The following RANBP2 variants were observed in gnomAD, a reference collection of about 807,000 sequenced individuals.
The protein encoded by RANBP2 is E3 SUMO-protein ligase RanBP2.
In RANBP2, 57 loss-of-function variants were observed where a neutral mutation model predicts 303.6. The observed-to-expected ratio is 0.19, with a 90% CI of 0.15 to 0.23. The LOEUF (loss-of-function observed/expected upper bound fraction) is 0.23. RANBP2 is among the 10% of genes least tolerant of loss of function. RANBP2 has a pLI of 1.00. For synonymous variants in RANBP2, 1,167 were observed against 1,301.5 expected (o/e 0.90, Z 2.23); for missense variants, 3,138 against 3,780.8 (o/e 0.83, Z 4.46).
the RANBP2 span, among the ~76,000 whole-genome samples, chr2:109,571,217 T>C: frequency 6.6e-6 from 1 of 152,222 alleles, no homozygotes; most frequent in African/African-American, 2.4e-5. Context: ...GAACTGTAAG[T>C]CAATTAAACC....
the RANBP2 span, among the ~76,000 whole-genome samples, chr2:109,512,823 C>A: frequency 6.8e-6 from 1 of 147,372 alleles, no homozygotes; most frequent in African/African-American, 2.4e-5. Context: ...TGACCCTGAC[C>A]CCTCCTCACC....
At chr2:108,819,651 G>T in the RANBP2 span, among the ~76,000 whole-genome samples, 1 of 152,206 alleles carries the variant, frequency 6.6e-6, no homozygotes, top group Non-Finnish European at 1.5e-5. Flanking sequence ...GAAGAATTTG[G>T]ATGGTCCCAA....
chr2:108,927,492 C>A, the RANBP2 span, among the ~76,000 whole-genome samples: 1 of 152,188 alleles, frequency 6.6e-6, no homozygotes, highest in Non-Finnish European at 1.5e-5. Flanking sequence ...AGCACGTGGT[C>A]TTCAGGCCAT....
chr2:109,300,943 C>T, the RANBP2 span, among the ~76,000 whole-genome samples: 26 of 152,242 alleles, frequency 1.7e-4, no homozygotes, highest in Non-Finnish European at 3.1e-4. Flanking sequence ...AGCATGGCTG[C>T]TGGCTACCAG....
the RANBP2 span, among the ~76,000 whole-genome samples, chr2:109,238,490 TGTGTGTGTGA>T: frequency 9.8e-4 from 124 of 126,086 alleles, no homozygotes; most frequent in African/African-American, 3.7e-3. Flanking sequence ...TGTGTGTGTG[TGTGTGTGTGA>T]GAGTGAGACA....
the RANBP2 span, chr2:108,884,693 C>T: frequency 1.3e-4 from 20 of 152,274 alleles, no homozygotes; most frequent in Non-Finnish European, 8.8e-5. Flanking sequence ...GGCAGGTCCC[C>T]TTTTCGAGAT....
At chr2:109,018,694 A>T in the RANBP2 span, among the ~76,000 whole-genome samples, 5 of 152,066 alleles carry the variant, frequency 3.3e-5, no homozygotes, top group Non-Finnish European at 2.9e-5. Context: ...ACACATCTCC[A>T]TCCCCTTTCC....
chr2:108,876,108 A>C, the RANBP2 span: 8 of 1,598,882 alleles, frequency 5.0e-6, no homozygotes, highest in Non-Finnish European at 6.0e-6. Context: ...AAGCTCTTTG[A>C]ACTTTTTACG....
the RANBP2 span, among the ~76,000 whole-genome samples, chr2:109,223,151 T>G: frequency 6.6e-6 from 1 of 152,318 alleles, no homozygotes; most frequent in East Asian, 1.9e-4. Context: ...GTTGCCACCT[T>G]CTCCTGAAAC....
the RANBP2 span, among the ~76,000 whole-genome samples, chr2:109,405,372 T>G: frequency 2.0e-5 from 3 of 152,162 alleles, no homozygotes; most frequent in African/African-American, 7.2e-5. Flanking sequence ...ACTGACTCCC[T>G]GCCCCTGAGT....
At chr2:108,864,490 C>T in the RANBP2 span, among the ~76,000 whole-genome samples, 1 of 151,438 alleles carries the variant, frequency 6.6e-6, no homozygotes, top group African/African-American at 2.4e-5. Context: ...TAGTAAGGCC[C>T]ATCTCTACAA....
chr2:109,683,855 ACT>A, the RANBP2 span, among the ~76,000 whole-genome samples: 111 of 151,866 alleles, frequency 7.3e-4, no homozygotes, highest in Admixed American at 2.4e-3. Flanking sequence ...CATCATTTTC[ACT>A]CTGAGTGGAG....
intron 4 of RANBP2, among the ~76,000 whole-genome samples, chr2:108,732,176 A>G (rs1410211364): frequency 6.6e-6 from 1 of 152,130 alleles, no homozygotes; most frequent in African/African-American, 2.4e-5. Context: ...TCCCCATTAT[A>G]TATGTTTCTG....
chr2:109,379,556 C>T, the RANBP2 span, among the ~76,000 whole-genome samples: 1 of 152,250 alleles, frequency 6.6e-6, no homozygotes, highest in East Asian at 1.9e-4. Context: ...AGGAAAAATA[C>T]TCAGGGATGT....
chr2:108,725,892 A>C (rs1302508601), intron 1 of RANBP2, among the ~76,000 whole-genome samples: 5 of 152,020 alleles, frequency 3.3e-5, no homozygotes, highest in Admixed American at 6.6e-5. Context: ...GCATTGAGCA[A>C]CGTTTTGTAA....
intron 1 of RANBP2, among the ~76,000 whole-genome samples, chr2:108,728,599 A>ATGG (rs1287189095): frequency 4.2e-4 from 6 of 14,210 alleles, no homozygotes; most frequent in African/African-American, 6.0e-4. Flanking sequence ...CTTATTTATG[A>ATGG]TGATGATGAT....
At chr2:109,519,884 A>T in the RANBP2 span, among the ~76,000 whole-genome samples, 1 of 152,202 alleles carries the variant, frequency 6.6e-6, no homozygotes, top group Non-Finnish European at 1.5e-5. Flanking sequence ...GGGTTGGGGT[A>T]AGAAAGGGAG....
the RANBP2 span, among the ~76,000 whole-genome samples, chr2:109,622,269 C>G: frequency 6.6e-6 from 1 of 152,166 alleles, no homozygotes; most frequent in East Asian, 1.9e-4. Context: ...CAGCTTTGTG[C>G]TCAGGCAGAC....
chr2:109,681,443 A>G, the RANBP2 span, among the ~76,000 whole-genome samples: 1 of 152,256 alleles, frequency 6.6e-6, no homozygotes, highest in Non-Finnish European at 1.5e-5. Flanking sequence ...GAAAGGCAGG[A>G]TTATGAAGAT....
Sources: allele counts gnomAD v4.1 joint callset (sites outside exome capture counted in the v4.1 genomes callset), GRCh38; gene constraint gnomAD v4.1.1; transcripts MANE v1.5; gene names NCBI Gene and HGNC (gene_info 2026-07-23, HGNC 2026-07-21).